Variants in SHISA4 observed in about 807,000 individuals in gnomAD.
SHISA4 encodes the protein protein shisa-4.
A neutral mutation model predicts 24.2 loss-of-function variants in SHISA4; 16 were observed. That is an observed-to-expected ratio of 0.66 (90% confidence interval 0.45 to 1.00). SHISA4 has a LOEUF of 1.00. Ranked by LOEUF, SHISA4 falls within the 50% of genes least tolerant of loss-of-function variation. SHISA4 has a pLI of 0.00. For missense variants in SHISA4, 238 were observed against 258.9 expected, an observed-to-expected ratio of 0.92 and a Z score of 0.55; for synonymous variants, 106 against 105.4, an observed-to-expected ratio of 1.01 and a Z score of -0.04.
At chr1:201,891,378 G>A (rs1681093692) in intron 3 of SHISA4, 23 bp from the exon 4 acceptor site, 1 of 1,613,692 alleles carries the variant, frequency 6.2e-7, no homozygotes, top group African/African-American at 1.3e-5. Flanking sequence ...GTCTCTGAAT[G>A]CTGATCCTTC....
chr1:201,891,942 C>T lies in SHISA4; in HGVS notation c.*96C>T. 1 of 1,439,092 alleles carries T rather than the reference C, an allele frequency of 6.9e-7. No homozygotes were observed. Among genetic ancestry groups the T allele is most frequent in the Admixed American group, 1.7e-5 (1 of 59,572 alleles). The allele number at this position is 1,439,092 out of a possible 1,614,324, so 89.1% of individuals were successfully genotyped here. ...ATCTGGTCCTGGGGGTGGCAGGAGTCCTCCAGCCACCAGGCCCCAGACCAA... is the reference window on the plus strand; with the variant it reads ...ATCTGGTCCTGGGGGTGGCAGGAGTTCTCCAGCCACCAGGCCCCAGACCAA... On this transcript the variant is annotated 3_prime_UTR_variant, in exon 5 of 5. Coordinates refer to ENST00000362011, the MANE Select transcript of SHISA4 (RefSeq NM_198149.3).
chr1:201,891,451 C>T lies in SHISA4; in HGVS notation c.430C>T (p.Pro144Ser), dbSNP rs771768460. ...CCCAGTGCAGCCAGTATACCCATACCCCCAGGACCCCAAAGCTGGCCCTGC... is the reference window on the plus strand; with the variant it reads ...CCCAGTGCAGCCAGTATACCCATACTCCCAGGACCCCAAAGCTGGCCCTGC... ...GIPVQPVYPY[P>S]QDPKAGPAPP... The change falls in exon 4 of 5, where the codon CCC (proline) becomes TCC (serine). Residue 144 changes from proline (P) to serine (S), a missense_variant. Pro to Ser is a moderately conservative substitution (Grantham distance 74, BLOSUM62 -1). Transcript: ENST00000362011. 32 of 1,613,786 alleles carry T rather than the reference C, an allele frequency of 2.0e-5. No homozygotes were observed. The highest frequency in any genetic ancestry group is 1.8e-5 in the Non-Finnish European group (21 of 1,179,948).
rs562696551 is a variant in SHISA4 at position 201,891,623 on chromosome 1, C to T, written c.547+55C>T. Reference sequence around the variant, plus strand: ...CTGCCTTCCCCCACCCCTTGCCCTGCGACCTCCCCTGTGCCTCTCTCATTC... The same window carrying T: ...CTGCCTTCCCCCACCCCTTGCCCTGTGACCTCCCCTGTGCCTCTCTCATTC... On this transcript the variant is annotated intron_variant, in intron 4 of 4. Transcript: ENST00000362011. 15 of 1,561,606 alleles carry T rather than the reference C, an allele frequency of 9.6e-6. No homozygotes were observed. The East Asian group carries it at 2.2e-4, about 23-fold the overall frequency.
chr1:201,891,740 G>A (rs1317249264), intron 4 of SHISA4, 60 bp from the exon 5 acceptor site: 2 of 1,598,840 alleles, frequency 1.3e-6, no homozygotes, highest in African/African-American at 1.3e-5. Context: ...GGGGGCAGGG[G>A]TGTTACTTTT....
upstream of SHISA4, chr1:201,888,819 C>A (rs886173343): frequency 1.5e-5 from 6 of 394,340 alleles, no homozygotes; most frequent in Non-Finnish European, 2.2e-5. Flanking sequence ...GGGCGCTGCG[C>A]GGAGCCGCGC....
chr1:201,891,828 C>G lies in SHISA4; in HGVS notation c.576C>G (p.Pro192=). 1 of 1,614,122 alleles carries G rather than the reference C, an allele frequency of 6.2e-7. No individual in the cohort carries two copies. Among genetic ancestry groups the G allele is most frequent in the Non-Finnish European group, 8.5e-7 (1 of 1,180,000 alleles). Residue 192 remains proline (P), a synonymous_variant, in exon 5 of 5, where the codon CCC becomes CCG. Coordinates refer to ENST00000362011, the MANE Select transcript of SHISA4 (RefSeq NM_198149.3). The part of the protein sequence containing the change: ...AAPPPYMPPQ[P]SYPGA ...CTCCTCCCTATATGCCACCACAGCCCTCTTACCCGGGAGCCTGAGGAACCA... is the reference window on the plus strand; with the variant it reads ...CTCCTCCCTATATGCCACCACAGCCGTCTTACCCGGGAGCCTGAGGAACCA...
chr1:201,890,413 A>G (rs746450985), intron 2 of SHISA4, 41 bp from the exon 3 acceptor site: 50 of 1,609,988 alleles, frequency 3.1e-5, no homozygotes, highest in Admixed American at 8.4e-5. Context: ...ACTCCGTCCT[A>G]TGAGTGTTGG....
At chr1:201,891,721 G>A (rs755906585) in intron 4 of SHISA4, 79 bp from the exon 5 acceptor site, 1 of 1,574,978 alleles carries the variant, frequency 6.3e-7, no homozygotes. Flanking sequence ...TATGGGTCCT[G>A]TCTGCCCCGG....
rs200872983 is a variant in SHISA4 at position 201,891,580 on chromosome 1, A to G, written c.547+12A>G. On this transcript the variant is annotated intron_variant, in intron 4 of 4. Coordinates refer to ENST00000362011, the MANE Select transcript of SHISA4 (RefSeq NM_198149.3). ...CTACAACCCTGCAGGTAAGTAAGCA[A>G]TCTGGAGCCCCTTGCTGCTGCCTTC... The G allele has an allele frequency of 5.5e-4, 886 of 1,601,038 alleles. 10 individuals are homozygous for G. Among genetic ancestry groups the G allele is most frequent in the Middle Eastern group, 1.5e-3 (9 of 5,992 alleles).
At position 201,892,546 on chromosome 1, in the gene SHISA4, C is replaced by G. The variant is rs1336596011; in HGVS notation, c.*700C>G. 6.6e-6 allele frequency among the ~76,000 whole-genome samples: 1 copy of G among 152,124 alleles called. No individual in the cohort carries two copies. The highest frequency in any genetic ancestry group is 2.4e-5 in the African/African-American group (1 of 41,408). ...AGCTCTGAAGAGATGCTCGTTTGCA[C>G]TACAGATATTCCCTGCTAGGGATCA... On this transcript the variant is annotated 3_prime_UTR_variant, in exon 5 of 5. Transcript: ENST00000362011.
chr1:201,889,189 G>T lies in SHISA4; in HGVS notation c.73+122G>T, dbSNP rs1681043866. 3 of 1,024,296 alleles carry T rather than the reference G, an allele frequency of 2.9e-6. No homozygotes were observed. The Admixed American group carries it at 8.8e-5, about 30-fold the overall frequency. 63.5% of individuals were successfully genotyped at this position (1,024,296 alleles called of 1,614,324 possible). On this transcript the variant is annotated intron_variant, in intron 1 of 4. Transcript: ENST00000362011. ...CCTCCGGCTGCCACGGGAGCCTTGGGTGTTGCTGGGTCCTCAAGAAGCGGG... is the reference window on the plus strand; with the variant it reads ...CCTCCGGCTGCCACGGGAGCCTTGGTTGTTGCTGGGTCCTCAAGAAGCGGG...
intron 1 of SHISA4, 117 bp from the exon 2 acceptor site, chr1:201,889,328 G>A: frequency 7.0e-7 from 1 of 1,422,272 alleles, no homozygotes; most frequent in Non-Finnish European, 9.6e-7. Context: ...GGAGACAAGG[G>A]GCAACCCTCA....
chr1:201,889,043 C>G lies in SHISA4; in HGVS notation c.49C>G (p.Leu17Val). 5.8e-6 allele frequency: 8 copies of G among 1,382,178 alleles called. No individual in the cohort carries two copies. The highest frequency in any genetic ancestry group is 1.8e-5 in the South Asian group (1 of 56,302). The allele number at this position is 1,382,178 out of a possible 1,614,324, so 85.6% of individuals were successfully genotyped here. ...GGCCGCGCCGCTCACCGCAATCGCT[C>G]TGTTGGTGCTGGGGGCTCCCCTGGG... is the stretch of plus-strand genomic sequence containing the variant. ...RRAAPLTAIA[L>V]LVLGAPLVLA... Residue 17 changes from leucine (L) to valine (V), a missense_variant, in exon 1 of 5, where the codon CTG becomes GTG. Coordinates refer to ENST00000362011, the MANE Select transcript of SHISA4 (RefSeq NM_198149.3).
chr1:201,889,302 C>A, intron 1 of SHISA4, 143 bp from the exon 2 acceptor site: 1 of 1,212,088 alleles, frequency 8.3e-7, no homozygotes, highest in Non-Finnish European at 1.1e-6. Context: ...GGCTCTGGGG[C>A]TGAGACCCTC....
rs1448557126 is a variant in SHISA4 at position 201,889,114 on chromosome 1, G to A, written c.73+47G>A. ...CGGCAGGAGTGGGATGGGGGCGGAGGAAGGGGAGGGACCGATCCGAGGGGC... is the reference window on the plus strand; with the variant it reads ...CGGCAGGAGTGGGATGGGGGCGGAGAAAGGGGAGGGACCGATCCGAGGGGC... On this transcript the variant is annotated intron_variant, in intron 1 of 4. Coordinates refer to ENST00000362011, the MANE Select transcript of SHISA4 (RefSeq NM_198149.3). 5.8e-6 allele frequency: 8 copies of A among 1,368,094 alleles called. No homozygotes were observed. The African/African-American group carries it at 1.0e-4, about 18-fold the overall frequency. 84.7% of individuals were successfully genotyped at this position (1,368,094 alleles called of 1,614,324 possible). A position where few individuals can be genotyped will look rare whatever the true frequency, so the allele number is the denominator to read the frequency against.
Position 201,888,985 on chromosome 1 carries a change from A to G in SHISA4, c.-10A>G. On this transcript the variant is annotated 5_prime_UTR_variant, in exon 1 of 5. Transcript: ENST00000362011. ...GGGAGGCCCGACCCCGGCCGCGCCCAGCCCCCACCATGCCACCCGCGGGGC... is the reference window on the plus strand; with the variant it reads ...GGGAGGCCCGACCCCGGCCGCGCCCGGCCCCCACCATGCCACCCGCGGGGC... 7.2e-7 allele frequency: 1 copy of G among 1,387,034 alleles called. No individual in the cohort carries two copies. Among genetic ancestry groups the G allele is most frequent in the Non-Finnish European group, 9.4e-7 (1 of 1,068,718 alleles). 85.9% of individuals were successfully genotyped at this position (1,387,034 alleles called of 1,614,324 possible). A position where few individuals can be genotyped will look rare whatever the true frequency, so the allele number is the denominator to read the frequency against.
In SHISA4 at chr1:201,891,385, C is replaced by T. The variant is rs202108958; in HGVS notation, c.380-16C>T. On this transcript the variant is annotated splice_polypyrimidine_tract_variant and intron_variant, in intron 3 of 4. Transcript: ENST00000362011. ...GGAGATGGGTCTCTGAATGCTGATCCTTCTCCCCCATCTAGGCCAGGAGAT... is the reference window on the plus strand; with the variant it reads ...GGAGATGGGTCTCTGAATGCTGATCTTTCTCCCCCATCTAGGCCAGGAGAT... 177 of 1,613,836 alleles carry T rather than the reference C, an allele frequency of 1.1e-4. 2 individuals carry two copies. Among genetic ancestry groups the T allele is most frequent in the South Asian group, 4.7e-4 (43 of 91,074 alleles).
chr1:201,891,757 C>T (rs1681104335), intron 4 of SHISA4, 43 bp from the exon 5 acceptor site: 1 of 1,611,684 alleles, frequency 6.2e-7, no homozygotes, highest in Non-Finnish European at 8.5e-7. Flanking sequence ...TTTTCGTCCA[C>T]CTATGCCACC....
chr1:201,891,318 G>T, intron 3 of SHISA4, 83 bp from the exon 4 acceptor site: 1 of 1,544,258 alleles, frequency 6.5e-7, no homozygotes, highest in South Asian at 1.1e-5. Context: ...GCACCAGGGT[G>T]CTTACCTTGG....
Sources: allele counts gnomAD v4.1 joint callset (sites outside exome capture counted in the v4.1 genomes callset), GRCh38; gene constraint gnomAD v4.1.1; transcripts MANE v1.5; gene names NCBI Gene and HGNC (gene_info 2026-07-23, HGNC 2026-07-21).